Variants in CCNY observed in about 807,000 individuals in gnomAD.
The protein encoded by CCNY is cyclin-Y.
A neutral mutation model predicts 42.8 loss-of-function variants in CCNY; 19 were observed. The ratio of observed to expected loss-of-function variants is 0.44; its 90% CI spans 0.31 to 0.65. The LOEUF is 0.65. Ranked by LOEUF, CCNY falls within the 30% of genes least tolerant of loss-of-function variation. The pLI, the probability that CCNY is intolerant of heterozygous loss-of-function variation, is 0.07. For missense variants in CCNY, 370 were observed against 437.3 expected (o/e 0.85, Z 1.37); for synonymous variants, 165 against 162.7 (o/e 1.01, Z -0.11).
chr10:35,383,125 T>G (rs1837226206), intron 1 of CCNY, among the ~76,000 whole-genome samples: 1 of 152,116 alleles, frequency 6.6e-6, no homozygotes, highest in Admixed American at 6.5e-5. Flanking sequence ...GTTCTACAGC[T>G]CCGATGGGGA....
At chr10:35,441,880 T>A (rs530638367) in intron 1 of CCNY, among the ~76,000 whole-genome samples, 1 of 152,358 alleles carries the variant, frequency 6.6e-6, no homozygotes, top group African/African-American at 2.4e-5. Context: ...GTATTAATTG[T>A]AAAATAAAAA....
intron 1 of CCNY, among the ~76,000 whole-genome samples, chr10:35,447,510 C>T (rs190858753): frequency 6.6e-6 from 1 of 152,256 alleles, no homozygotes; most frequent in African/African-American, 2.4e-5. Context: ...TCTGTCATTT[C>T]TCACACTTCT....
intron 8 of CCNY, among the ~76,000 whole-genome samples, chr10:35,557,600 A>G (rs1158810121): frequency 6.7e-6 from 1 of 148,756 alleles, no homozygotes; most frequent in Non-Finnish European, 1.5e-5. Context: ...TACTAAAAAT[A>G]CAAAAATTAG....
At chr10:35,495,743 C>T (rs1367528984) in intron 2 of CCNY, among the ~76,000 whole-genome samples, 2 of 152,140 alleles carry the variant, frequency 1.3e-5, no homozygotes, top group Non-Finnish European at 1.5e-5. Context: ...GTTCTGGGCT[C>T]CAAAGTGTGG....
intron 3 of CCNY, among the ~76,000 whole-genome samples, chr10:35,264,594 G>T (rs532236051): frequency 2.0e-5 from 3 of 151,636 alleles, no homozygotes; most frequent in African/African-American, 7.3e-5. Flanking sequence ...TCATATGTTT[G>T]TTGGCCACAT....
intron 1 of CCNY, among the ~76,000 whole-genome samples, chr10:35,395,453 G>A (rs917996778): frequency 1.3e-5 from 2 of 152,138 alleles, no homozygotes; most frequent in East Asian, 3.9e-4. Context: ...TAACCTCAGG[G>A]GTTAGGGGGA....
At chr10:35,322,353 C>T (rs78438752) in intron 3 of CCNY, among the ~76,000 whole-genome samples, 2 of 101,758 alleles carry the variant, frequency 2.0e-5, no homozygotes, top group African/African-American at 7.9e-5. Context: ...GACTCTGTCT[C>T]AAAAAAAAAA....
chr10:35,406,921 C>G (rs1837791525), intron 1 of CCNY, among the ~76,000 whole-genome samples: 3 of 152,138 alleles, frequency 2.0e-5, no homozygotes, highest in Admixed American at 6.5e-5. Context: ...CTTTTTGGAG[C>G]TTTTTCTAAT....
At chr10:35,498,741 G>A (rs1365980108) in intron 2 of CCNY, among the ~76,000 whole-genome samples, 2 of 152,330 alleles carry the variant, frequency 1.3e-5, no homozygotes, top group South Asian at 2.1e-4. Context: ...AGAGATGCAT[G>A]TGTGGAAAAT....
intron 1 of CCNY, among the ~76,000 whole-genome samples, chr10:35,478,288 C>T (rs1226343096): frequency 3.3e-5 from 5 of 151,376 alleles, no homozygotes; most frequent in African/African-American, 4.9e-5. Context: ...GAAAAAACTA[C>T]TTTAAAGTTC....
At chr10:35,493,926 A>G (rs917011671) in intron 2 of CCNY, among the ~76,000 whole-genome samples, 4 of 152,144 alleles carry the variant, frequency 2.6e-5, no homozygotes, top group African/African-American at 4.8e-5. Flanking sequence ...GCCATCTTCT[A>G]GCTTGTCTGT....
intron 3 of CCNY, among the ~76,000 whole-genome samples, chr10:35,278,035 G>A (rs1379089093): frequency 1.3e-5 from 2 of 152,002 alleles, no homozygotes; most frequent in Non-Finnish European, 2.9e-5. Context: ...GGAGGTGCTT[G>A]GGTGGTCAGG....
At chr10:35,516,445 G>A in intron 3 of CCNY, 78 bp from the exon 4 acceptor site, 1 of 952,240 alleles carries the variant, frequency 1.1e-6, no homozygotes, top group Non-Finnish European at 1.7e-6. Flanking sequence ...CTTATCTCAA[G>A]TTAAGCGGGG....
chr10:35,453,388 C>T lies in CCNY; in HGVS notation c.155-30016C>T, dbSNP rs562984174. 1.4e-4 allele frequency among the ~76,000 whole-genome samples: 21 copies of T among 152,180 alleles called. No individual in the cohort carries two copies. In the South Asian group the frequency reaches 4.4e-3, roughly 32 times the overall value. ...GTGGGAAATTTTCCGCTTATTCAGTCCTTTATTACTAGACATATAGGTTGT... is the reference window on the plus strand; with the variant it reads ...GTGGGAAATTTTCCGCTTATTCAGTTCTTTATTACTAGACATATAGGTTGT... On this transcript the variant is annotated intron_variant, in intron 1 of 9. Coordinates refer to ENST00000374704, the MANE Select transcript of CCNY (RefSeq NM_145012.6).
intron 3 of CCNY, chr10:35,320,990 A>T (rs899632661): frequency 3.3e-5 from 5 of 151,916 alleles, no homozygotes; most frequent in Non-Finnish European, 7.3e-5. Flanking sequence ...GGTGGTGCAC[A>T]CTGTCATCCC....
intron 8 of CCNY, among the ~76,000 whole-genome samples, chr10:35,556,922 T>C (rs897583799): frequency 1.3e-5 from 2 of 151,968 alleles, no homozygotes; most frequent in African/African-American, 4.8e-5. Flanking sequence ...CTTGGCTCAC[T>C]GCAACTTCGC....
upstream of CCNY, among the ~76,000 whole-genome samples, chr10:35,332,730 G>A (rs554679779): frequency 7.4e-4 from 112 of 152,024 alleles, no homozygotes; most frequent in African/African-American, 2.3e-3. Context: ...TCAGCCTCCC[G>A]AGCAGCTGGA....
At chr10:35,276,955 C>A (rs1240418570) in intron 3 of CCNY, among the ~76,000 whole-genome samples, 1 of 152,226 alleles carries the variant, frequency 6.6e-6, no homozygotes, top group African/African-American at 2.4e-5. Context: ...ATGCTTATAA[C>A]AATGGAGTGC....
chr10:35,490,670 GA>G, intron 2 of CCNY, among the ~76,000 whole-genome samples: 1 of 152,326 alleles, frequency 6.6e-6, no homozygotes, highest in Middle Eastern at 3.4e-3. Flanking sequence ...CCCCTCCAGG[GA>G]AAGTCCATAG....
Sources: allele counts gnomAD v4.1 joint callset (sites outside exome capture counted in the v4.1 genomes callset), GRCh38; gene constraint gnomAD v4.1.1; transcripts MANE v1.5; gene names NCBI Gene and HGNC (gene_info 2026-07-23, HGNC 2026-07-21).